CASD1: variants seen among roughly 807,000 people sequenced by gnomAD.
The protein encoded by CASD1 is N-acetylneuraminate (7)9-O-acetyltransferase.
CASD1 carries 41 observed loss-of-function variants against 100.0 expected under a neutral mutation model. The ratio of observed to expected loss-of-function variants is 0.41; its 90% confidence interval spans 0.32 to 0.53. The LOEUF (loss-of-function observed/expected upper bound fraction) is 0.53. Ranked by LOEUF, CASD1 falls within the 20% of genes least tolerant of loss-of-function variation. CASD1 has a pLI of 0.25. For synonymous variants in CASD1, 321 were observed against 315.6 expected, an observed-to-expected ratio of 1.02 and a Z score of -0.18; for missense variants, 774 against 948.7, an observed-to-expected ratio of 0.82 and a Z score of 2.42.
the CASD1 span, among the ~76,000 whole-genome samples, chr7:94,570,568 C>T: frequency 6.6e-6 from 1 of 152,110 alleles, no homozygotes; most frequent in Non-Finnish European, 1.5e-5. Context: ...GATCTCGGCT[C>T]ACTGCAACAT....
chr7:94,546,532 G>A (rs962704588), intron 12 of CASD1, among the ~76,000 whole-genome samples: 2 of 151,952 alleles, frequency 1.3e-5, no homozygotes, highest in African/African-American at 4.8e-5. Context: ...TTAAAGTCCA[G>A]TAGTGTCTTT....
intron 1 of CASD1, among the ~76,000 whole-genome samples, chr7:94,513,058 C>A (rs1202568163): frequency 1.3e-5 from 2 of 152,114 alleles, no homozygotes; most frequent in African/African-American, 4.8e-5. Context: ...TAATTCAGGC[C>A]GGGCGCAGTG....
the CASD1 span, chr7:94,618,147 T>C: frequency 6.6e-6 from 1 of 152,304 alleles, no homozygotes; most frequent in African/African-American, 2.4e-5. Flanking sequence ...AACTGACAAA[T>C]ACCTTTCAAA....
the CASD1 span, chr7:94,598,972 A>G: frequency 6.2e-7 from 1 of 1,607,270 alleles, no homozygotes; most frequent in Non-Finnish European, 8.5e-7. Context: ...TGCTAGGTCA[A>G]AAAGAAATAA....
the CASD1 span, chr7:94,599,288 T>C: frequency 3.4e-6 from 1 of 291,472 alleles, no homozygotes; most frequent in East Asian, 7.3e-5. Flanking sequence ...CCATAGCTTT[T>C]ATATTTTTGC....
At chr7:94,512,342 G>C (rs1793752694) in intron 1 of CASD1, among the ~76,000 whole-genome samples, 1 of 152,186 alleles carries the variant, frequency 6.6e-6, no homozygotes, top group Non-Finnish European at 1.5e-5. Flanking sequence ...GCCTCCAGCA[G>C]CCCAGGCCAT....
chr7:94,532,951 AG>A (rs1170544399), intron 5 of CASD1, among the ~76,000 whole-genome samples: 2 of 152,140 alleles, frequency 1.3e-5, no homozygotes, highest in Non-Finnish European at 2.9e-5. Context: ...CTTTTTTTTA[AG>A]AACACCAAAG....
intron 5 of CASD1, among the ~76,000 whole-genome samples, chr7:94,532,862 T>A (rs1253407902): frequency 6.6e-6 from 1 of 152,188 alleles, no homozygotes; most frequent in Non-Finnish European, 1.5e-5. Context: ...TTTAATTGAC[T>A]GACATAATAC....
At chr7:94,590,004 A>G in the CASD1 span, 1 of 152,188 alleles carries the variant, frequency 6.6e-6, no homozygotes, top group Non-Finnish European at 1.5e-5. Context: ...TGTCATTTAA[A>G]TAACACACAT....
At position 94,519,781 on chromosome 7, in the gene CASD1, A is replaced by T. The variant is rs182220785; in HGVS notation, c.351+1458A>T. ...CTTGGCCTCCCAAAGTGCTGGAATTACAGGCATGAGCCACTGTGCCCAGCC... is the reference window on the plus strand; with the variant it reads ...CTTGGCCTCCCAAAGTGCTGGAATTTCAGGCATGAGCCACTGTGCCCAGCC... On this transcript the variant is annotated intron_variant, in intron 3 of 17. Transcript: ENST00000297273. Among the ~76,000 whole-genome samples the T allele has an allele frequency of 3.0e-3, 454 of 152,354 alleles. 3 individuals carry two copies. The highest frequency in any genetic ancestry group is 0.01 in the African/African-American group (423 of 41,588).
In CASD1 at chr7:94,555,532, C is replaced by T. The variant is rs147190077; in HGVS notation, c.2168C>T (p.Thr723Ile). 7 of 1,613,206 alleles carry T rather than the reference C, an allele frequency of 4.3e-6. No homozygotes were observed. The African/African-American group carries it at 8.0e-5, about 18-fold the overall frequency. Residue 723 changes from threonine to isoleucine, a missense_variant, in exon 18 of 18, where the codon ACA becomes ATA. Transcript: ENST00000297273. ...CQYHIWLAAD[T>I]RGILVLIPGN... ...TATCACATATGGCTGGCAGCGGACACAAGGGGTATCTTGGTACTGATACCT... is the reference window on the plus strand; with the variant it reads ...TATCACATATGGCTGGCAGCGGACATAAGGGGTATCTTGGTACTGATACCT...
chr7:94,586,963 T>G, the CASD1 span: 15 of 983,256 alleles, frequency 1.5e-5, no homozygotes, highest in South Asian at 6.6e-4. Context: ...ATACTGTACT[T>G]TAGTCTATAA....
chr7:94,599,824 A>G, the CASD1 span: 1 of 891,684 alleles, frequency 1.1e-6, no homozygotes, highest in Non-Finnish European at 1.9e-6. Flanking sequence ...AAATGCTGAC[A>G]TTGTCACTAT....
chr7:94,550,566 A>G (rs931639232), intron 14 of CASD1, among the ~76,000 whole-genome samples: 1 of 152,148 alleles, frequency 6.6e-6, no homozygotes, highest in African/African-American at 2.4e-5. Context: ...GAAGCTGGGA[A>G]GTGTAAAATC....
chr7:94,551,633 A>T (rs550818475), intron 15 of CASD1, 155 bp downstream of exon 15: 1 of 296,374 alleles, frequency 3.4e-6, no homozygotes, highest in Non-Finnish European at 5.9e-6. Flanking sequence ...CCAGTAATTG[A>T]TAGGATAGCT....
chr7:94,537,734 A>C lies in CASD1; in HGVS notation c.1106A>C (p.Gln369Pro), dbSNP rs1253941819. The C allele has an allele frequency of 1.2e-6, 2 of 1,613,770 alleles. No homozygotes were observed. Among genetic ancestry groups the C allele is most frequent in the South Asian group, 2.2e-5 (2 of 91,076 alleles). Residue 369 changes from glutamine to proline, a missense_variant, in exon 9 of 18, where the codon CAA (glutamine) becomes CCA (proline). Transcript: ENST00000297273. ...TPVSSLEILL[Q>P]SFCKLGLIMA... ...GTGTCTTCATTAGAAATACTTTTAC[A>C]ATCTTTCTGCAAACTTGGCCTGATT...
chr7:94,605,125 G>A, the CASD1 span, among the ~76,000 whole-genome samples: 2 of 151,744 alleles, frequency 1.3e-5, no homozygotes, highest in African/African-American at 2.4e-5. Flanking sequence ...ATACTATACA[G>A]CAAAAAGCAC....
At chr7:94,618,689 T>C in the CASD1 span, 2 of 1,325,218 alleles carry the variant, frequency 1.5e-6, no homozygotes, top group Non-Finnish European at 2.2e-6. Context: ...CTTCCATCTA[T>C]AATAAGTTTG....
At chr7:94,610,672 A>T in the CASD1 span, among the ~76,000 whole-genome samples, 1 of 152,178 alleles carries the variant, frequency 6.6e-6, no homozygotes, top group Non-Finnish European at 1.5e-5. Context: ...ATCAAAATAA[A>T]AAAGTTCTGT....
Sources: gnomAD v4.1 joint callset for allele counts (sites outside exome capture counted in the v4.1 genomes callset) on GRCh38, gnomAD v4.1.1 for gene constraint, MANE v1.5 for transcripts, NCBI Gene and HGNC (gene_info 2026-07-23, HGNC 2026-07-21) for gene names.